The following FAT2 variants were observed in gnomAD, a reference collection of about 807,000 sequenced individuals.
FAT2 encodes the protein protocadherin Fat 2.
Under a neutral mutation model 295.3 loss-of-function variants are expected in FAT2, and 150 were observed. That is an observed-to-expected ratio of 0.51 (90% CI 0.44 to 0.58). FAT2 has a LOEUF of 0.58. Among genes scored for constraint, FAT2 ranks in the 20% least tolerant of loss-of-function variants. The pLI is 0.00. For missense variants in FAT2, 4,868 were observed against 5,442.7 expected, an observed-to-expected ratio of 0.89 and a Z score of 3.32; for synonymous variants, 2,026 against 2,150.3, an observed-to-expected ratio of 0.94 and a Z score of 1.60.
rs2127621843 is a variant in FAT2 at position 151,550,690 on chromosome 5, C to T, written c.4478G>A (p.Ser1493Asn). 1 of 1,614,192 alleles carries T rather than the reference C, an allele frequency of 6.2e-7. No individual in the cohort carries two copies. Among genetic ancestry groups the T allele is most frequent in the Non-Finnish European group, 8.5e-7 (1 of 1,180,016 alleles). ...YTIHGSQDPG[S>N]ASLFQLDPSS... The stretch of plus-strand genomic sequence containing the variant: ...TGGGTCCAGCTGGAAGAGGCTGGCA[C>T]TTCCTGGGTCTTGGCTGCCATGTAT... The change falls in exon 8 of 24, where the codon AGT (serine) becomes AAT (asparagine). Residue 1493 changes from serine to asparagine, a missense_variant. This residue lies in a region of FAT2 where 3,297 missense variants were observed against 3,669.4 expected (regional missense o/e 0.90). Coordinates refer to ENST00000261800, the MANE Select transcript of FAT2 (RefSeq NM_001447.3).
At position 151,534,637 on chromosome 5, in the gene FAT2, G is replaced by T. The variant is rs930194572; in HGVS notation, c.9199C>A (p.Leu3067Met). 3 of 1,606,844 alleles carry T rather than the reference G, an allele frequency of 1.9e-6. No homozygotes were observed. The highest frequency in any genetic ancestry group is 4.5e-5 in the East Asian group (2 of 44,656). The change falls in exon 13 of 24, where the codon CTG becomes ATG. Residue 3067 changes from leucine to methionine, a missense_variant. Transcript: ENST00000261800. ...EFKLDPHTGE[L>M]TTLTALDRER... The stretch of plus-strand genomic sequence containing the variant: ...CGGTCTAGGGCAGTGAGTGTGGTCA[G>T]CTCCCCTGGTCGGAGAAATGACAAA...
intron 1 of FAT2, among the ~76,000 whole-genome samples, chr5:151,580,431 C>T (rs1451282525): frequency 6.6e-6 from 1 of 152,318 alleles, no homozygotes; most frequent in South Asian, 2.1e-4. Context: ...ACATTTGGCA[C>T]AGCGCCAGTC....
chr5:151,531,260 C>T lies in FAT2; in HGVS notation c.9811+327G>A, dbSNP rs1754561383. 6.6e-6 allele frequency among the ~76,000 whole-genome samples: 1 copy of T among 152,316 alleles called. No homozygotes were observed. The highest frequency in any genetic ancestry group is 1.9e-4 in the East Asian group (1 of 5,176). ...GGGCTCCCTGCCTCTGCAGCCAAGC[C>T]GTTTCTGCCTCCTGCGCTGGGCCTG... On this transcript the variant is annotated intron_variant, in intron 14 of 23. Coordinates refer to ENST00000261800, the MANE Select transcript of FAT2 (RefSeq NM_001447.3). The surrounding 1 kb of genome is among the most constrained non-coding windows in gnomAD (Gnocchi z 5.7).
chr5:151,543,299 A>G lies in FAT2; in HGVS notation c.7828T>C (p.Tyr2610His). ...GCGTTCTGACCTTCATCTGCATCAT[A>G]GGCCAACACCTGGATAACCGGAGAG... ...KDSPVIQVLAYDADEGQNADV... is the reference protein window; with the variant it reads ...KDSPVIQVLAHDADEGQNADV... The change falls in exon 10 of 24, where the codon TAT (tyrosine) becomes CAT (histidine). Residue 2610 changes from tyrosine to histidine, a missense_variant. Coordinates refer to ENST00000261800, the MANE Select transcript of FAT2 (RefSeq NM_001447.3). 1.2e-6 allele frequency: 2 copies of G among 1,614,198 alleles called. No individual in the cohort carries two copies. The highest frequency in any genetic ancestry group is 1.7e-6 in the Non-Finnish European group (2 of 1,180,028).
At position 151,554,693 on chromosome 5, in the gene FAT2, T is replaced by G. The variant is rs774318412; in HGVS notation, c.3634-20A>C. ...AGTCACCTGGGAGCAGAATTGAGCATGAGCACCTGAGCTGACAATTGCAAA... is the reference window on the plus strand; with the variant it reads ...AGTCACCTGGGAGCAGAATTGAGCAGGAGCACCTGAGCTGACAATTGCAAA... On this transcript the variant is annotated intron_variant, in intron 4 of 23. Coordinates refer to ENST00000261800, the MANE Select transcript of FAT2 (RefSeq NM_001447.3). The G allele has an allele frequency of 6.3e-7, 1 of 1,585,018 alleles. No homozygotes were observed. Among genetic ancestry groups the G allele is most frequent in the African/African-American group, 1.3e-5 (1 of 74,320 alleles).
At chr5:151,537,297 G>A (rs1755469668) in intron 12 of FAT2, among the ~76,000 whole-genome samples, 1 of 143,064 alleles carries the variant, frequency 7.0e-6, no homozygotes. Context: ...GGAGGAGGAG[G>A]GAGAGAGGGA....
In FAT2 at chr5:151,563,415, A is replaced by G. The variant is rs780563470; in HGVS notation, c.3484T>C (p.Trp1162Arg). The change falls in exon 3 of 24, where the codon TGG (tryptophan) becomes CGG (arginine). Residue 1162 changes from tryptophan (W) to arginine (R), a missense_variant. Coordinates refer to ENST00000261800, the MANE Select transcript of FAT2 (RefSeq NM_001447.3). ...CCTTTGGAGCTGGAGTCTGGGTCCC[A>G]GGCATCCAGTTGAAGCACAGAGGTG... ...VGTSVLQLDA[W>R]DPDSSSKGKL... The G allele has an allele frequency of 1.1e-5, 18 of 1,614,230 alleles. No individual in the cohort carries two copies. In the South Asian group the frequency reaches 2.0e-4, roughly 18 times the overall value.
chr5:151,512,300 C>G lies in FAT2; in HGVS notation c.11770G>C (p.Asp3924His), dbSNP rs766297089. ...ACCGTCTTGCCAGGGGCCAGCAGAT[C>G]TAGAGCCTCTTCGTTGACCACGACA... ...DAVVVNEEAL[D>H]LLAPGKTVAG... is the part of the protein sequence containing the mutation. Residue 3924 changes from aspartate (D) to histidine (H), a missense_variant, in exon 21 of 24, where the codon GAT becomes CAT. Coordinates refer to ENST00000261800, the MANE Select transcript of FAT2 (RefSeq NM_001447.3). This position sits in a 1 kb window ranked among gnomAD's most constrained non-coding sequence, Gnocchi z 4.1. The G allele has an allele frequency of 1.2e-6, 2 of 1,614,214 alleles. No individual in the cohort carries two copies. Among genetic ancestry groups the G allele is most frequent in the Non-Finnish European group, 8.5e-7 (1 of 1,180,032 alleles).
At chr5:151,588,129 G>T (rs1561891621) in intron 1 of FAT2, among the ~76,000 whole-genome samples, 1 of 152,154 alleles carries the variant, frequency 6.6e-6, no homozygotes, top group Non-Finnish European at 1.5e-5. Context: ...GTGTGTGTAT[G>T]TGTGTGTGGG....
In FAT2 at chr5:151,582,049, G is replaced by T. The variant is rs1217685783; in HGVS notation, c.-21+9116C>A. On this transcript the variant is annotated intron_variant, in intron 1 of 23. Coordinates refer to ENST00000261800, the MANE Select transcript of FAT2 (RefSeq NM_001447.3). ...GCAGGTTGCTGCAGGTGGGAGCTGC[G>T]CTCTGGCAGTGGGGCAAGACAGGCT... Among the ~76,000 whole-genome samples the T allele has an allele frequency of 3.3e-5, 5 of 152,326 alleles. No homozygotes were observed. In the South Asian group the frequency reaches 8.3e-4, roughly 25 times the overall value.
In FAT2 at chr5:151,553,290, G is replaced by C; in HGVS notation, c.4043C>G (p.Ala1348Gly). Residue 1348 changes from alanine to glycine, a missense_variant, in exon 6 of 24, where the codon GCC becomes GGC. This residue lies in a region of FAT2 where 3,297 missense variants were observed against 3,669.4 expected (regional missense o/e 0.90). Coordinates refer to ENST00000261800, the MANE Select transcript of FAT2 (RefSeq NM_001447.3). ...AAAGCTGTAGTAGGTCTCATCAAAG[G>C]CCAGAGGGATGGAGGACGGCCGGGG... ...PWPRPSSIPL[A>G]FDETYYSFTV... 5 of 1,614,262 alleles carry C rather than the reference G, an allele frequency of 3.1e-6. No individual in the cohort carries two copies. In the South Asian group the frequency reaches 4.4e-5, roughly 14 times the overall value.
intron 8 of FAT2, 121 bp downstream of exon 8, chr5:151,550,469 A>C: frequency 8.6e-7 from 1 of 1,158,156 alleles, no homozygotes; most frequent in Non-Finnish European, 1.2e-6. Context: ...GAAATGTCAC[A>C]ACTCTGTCTC....
Position 151,527,344 on chromosome 5 carries a change from C to A in FAT2, c.10198G>T (p.Asp3400Tyr). Residue 3400 changes from aspartate to tyrosine, a missense_variant, in exon 17 of 24, where the codon GAC becomes TAC. This residue lies in a region of FAT2 where 1,046 missense variants were observed against 1,210.1 expected (regional missense o/e 0.86). Transcript: ENST00000261800. ...SSYSLKLRAT[D>Y]SGQPPLHEDT... ...TCATGCAGTGGAGGCTGCCCACTGTCTGTGGCTCGGAGCTTCAGGGAATAA... is the reference window on the plus strand; with the variant it reads ...TCATGCAGTGGAGGCTGCCCACTGTATGTGGCTCGGAGCTTCAGGGAATAA... The A allele has an allele frequency of 6.2e-7, 1 of 1,612,388 alleles. No individual in the cohort carries two copies. The highest frequency in any genetic ancestry group is 8.5e-7 in the Non-Finnish European group (1 of 1,179,024).
intron 1 of FAT2, among the ~76,000 whole-genome samples, chr5:151,578,618 G>A (rs1257494254): frequency 1.3e-5 from 2 of 152,176 alleles, no homozygotes; most frequent in Admixed American, 1.3e-4. Flanking sequence ...CCACCACTGG[G>A]TATATATCCA....
Position 151,544,891 on chromosome 5 carries a change from A to T in FAT2, c.6236T>A (p.Ile2079Asn), listed in dbSNP as rs1027873420. 2 of 1,614,020 alleles carry T rather than the reference A, an allele frequency of 1.2e-6. No homozygotes were observed. Among genetic ancestry groups the T allele is most frequent in the Admixed American group, 3.3e-5 (2 of 60,004 alleles). The change falls in exon 10 of 24, where the codon ATC (isoleucine) becomes AAC (asparagine). Residue 2079 changes from isoleucine (I) to asparagine (N), a missense_variant. Coordinates refer to ENST00000261800, the MANE Select transcript of FAT2 (RefSeq NM_001447.3). ...KFKHLPYYTIIQDGTEPGDVL... is the reference protein window; with the variant it reads ...KFKHLPYYTINQDGTEPGDVL... ...ATCCCCTGGCTCTGTGCCATCTTGGATGATTGTGTAATAGGGCAGATGCTT... is the reference window on the plus strand; with the variant it reads ...ATCCCCTGGCTCTGTGCCATCTTGGTTGATTGTGTAATAGGGCAGATGCTT...
rs187748703 is a variant in FAT2 at position 151,511,950 on chromosome 5, C to T, written c.11905+215G>A. 23 of 578,218 alleles carry T rather than the reference C, an allele frequency of 4.0e-5. No individual in the cohort carries two copies. The Admixed American group carries it at 4.2e-4, about 11-fold the overall frequency. 35.8% of individuals were successfully genotyped at this position (578,218 alleles called of 1,614,324 possible). A position where few individuals can be genotyped will look rare whatever the true frequency, so the allele number is the denominator to read the frequency against. On this transcript the variant is annotated intron_variant, in intron 21 of 23. Coordinates refer to ENST00000261800, the MANE Select transcript of FAT2 (RefSeq NM_001447.3). ...CCATTCATATCCTCCCTCATCCCCC[C>T]AGAAGTAGAAAGATAGTTTTTGTTG...
chr5:151,527,251 A>C lies in FAT2; in HGVS notation c.10291T>G (p.Tyr3431Asp), dbSNP rs753130157. 6.2e-7 allele frequency: 1 copy of C among 1,611,430 alleles called. No homozygotes were observed. Among genetic ancestry groups the C allele is most frequent in the African/African-American group, 1.3e-5 (1 of 74,772 alleles). Residue 3431 changes from tyrosine (Y) to aspartate (D), a missense_variant, in exon 17 of 24, where the codon TAC becomes GAC. Coordinates refer to ENST00000261800, the MANE Select transcript of FAT2 (RefSeq NM_001447.3). ...AAGCTTACCTGGACAGTGGTGCTGT[A>C]GTTGAGCTGGAAGAATCTCGGTGGG... ...DNPPRFFQLN[Y>D]STTVQENSPI... is the part of the protein sequence containing the mutation.
intron 9 of FAT2, among the ~76,000 whole-genome samples, chr5:151,548,740 CA>C (rs1182448935): frequency 2.6e-5 from 4 of 152,192 alleles, no homozygotes; most frequent in African/African-American, 9.7e-5. Flanking sequence ...CTCGGCCTCC[CA>C]AAGTGCTAGG....
At chr5:151,523,007 TGACTTA>T (rs1753637590) in intron 18 of FAT2, among the ~76,000 whole-genome samples, 1 of 152,212 alleles carries the variant, frequency 6.6e-6, no homozygotes. Flanking sequence ...ACTTCCTGCC[TGACTTA>T]GAAAGGACAG....
Sources: gnomAD v4.1 joint callset for allele counts (sites outside exome capture counted in the v4.1 genomes callset) on GRCh38, gnomAD v4.1.1 for gene constraint, gnomAD v4.1.1 regional missense constraint, Gnocchi (gnomAD v3.1) non-coding constraint, MANE v1.5 for transcripts, NCBI Gene and HGNC (gene_info 2026-07-23, HGNC 2026-07-21) for gene names.